ATP10D: variants seen among roughly 807,000 people sequenced by gnomAD.
ATP10D encodes ATPase phospholipid transporting 10D (putative).
Under a neutral mutation model 144.8 loss-of-function variants are expected in ATP10D, and 89 were observed. That is an observed-to-expected ratio of 0.61 (90% confidence interval 0.52 to 0.73). ATP10D has a LOEUF of 0.73. Among genes scored for constraint, ATP10D ranks in the 30% least tolerant of loss-of-function variants. The probability of loss-of-function intolerance (pLI) is 0.00; values close to 1 mark genes in which losing one functional copy is unlikely to be tolerated. For missense variants in ATP10D, 1,603 were observed against 1,714.8 expected, an observed-to-expected ratio of 0.93 and a Z score of 1.15; for synonymous variants, 571 against 615.1, an observed-to-expected ratio of 0.93 and a Z score of 1.06.
intron 9 of ATP10D, among the ~76,000 whole-genome samples, chr4:47,543,873 AG>A (rs1307040919): frequency 6.6e-6 from 1 of 152,208 alleles, no homozygotes; most frequent in Non-Finnish European, 1.5e-5. Flanking sequence ...GCATGAAAAA[AG>A]GAGGATCTCA....
chr4:47,553,149 A>G (rs918842695), intron 10 of ATP10D, among the ~76,000 whole-genome samples: 2 of 152,176 alleles, frequency 1.3e-5, no homozygotes, highest in Non-Finnish European at 2.9e-5. Flanking sequence ...CCAAATAAAA[A>G]AGTCTCTCCA....
chr4:47,507,721 T>A (rs1185018464), intron 1 of ATP10D, among the ~76,000 whole-genome samples: 1 of 152,194 alleles, frequency 6.6e-6, no homozygotes, highest in Admixed American at 6.5e-5. Context: ...TTCCCGACTT[T>A]GAAGAATAAA....
intron 2 of ATP10D, among the ~76,000 whole-genome samples, chr4:47,514,812 T>G (rs1484208897): frequency 6.7e-6 from 1 of 149,832 alleles, no homozygotes; most frequent in Non-Finnish European, 1.5e-5. Context: ...ATTTTGTTAA[T>G]TAATTTTTAT....
intron 4 of ATP10D, 37 bp downstream of exon 4, chr4:47,523,253 T>C: frequency 6.6e-7 from 1 of 1,523,258 alleles, no homozygotes. Flanking sequence ...CTTATTAACA[T>C]TTTTTTTCAG....
chr4:47,549,618 G>T lies in ATP10D; in HGVS notation c.1635+2756G>T, dbSNP rs145695935. ...AGACGTGGCCTCAGCCTTCAGTTTTGTTCTAGATAGAGAAGAGAGACATAT... is the reference window on the plus strand; with the variant it reads ...AGACGTGGCCTCAGCCTTCAGTTTTTTTCTAGATAGAGAAGAGAGACATAT... On this transcript the variant is annotated intron_variant, in intron 10 of 22. Coordinates refer to ENST00000273859, the MANE Select transcript of ATP10D (RefSeq NM_020453.4). 1.6e-4 allele frequency among the ~76,000 whole-genome samples: 25 copies of T among 152,334 alleles called. No individual in the cohort carries two copies. In the East Asian group the frequency reaches 4.0e-3, roughly 25 times the overall value.
In ATP10D at chr4:47,591,381, G is replaced by T; in HGVS notation, c.4281G>T (p.Ter1427TyrextTer45). 6.3e-7 allele frequency: 1 copy of T among 1,583,842 alleles called. No homozygotes were observed. The highest frequency in any genetic ancestry group is 8.6e-7 in the Non-Finnish European group (1 of 1,164,574). ...GACCCTCCAAAGGTAAAGAAAGCTA[G>T]ATACCCTCCTTGGAGTTGCAAGTAT... ...MAGPSKGKES[*>Y] is the part of the protein sequence containing the mutation. Residue 1427 changes from the stop codon to tyrosine (Y), a stop_lost, in exon 23 of 23, where the codon TAG becomes TAT. Transcript: ENST00000273859.
At chr4:47,590,978 G>GGC (rs1553902239) in intron 22 of ATP10D, 64 bp from the exon 23 acceptor site, 66 of 1,088,440 alleles carry the variant, frequency 6.1e-5, no homozygotes, top group Non-Finnish European at 7.5e-5. Flanking sequence ...TTAGTATTTG[G>GGC]GGGGGGGGGT....
Position 47,558,121 on chromosome 4 carries a change from C to A in ATP10D, c.2282C>A (p.Pro761Gln). Residue 761 changes from proline to glutamine, a missense_variant, in exon 12 of 23, where the codon CCA (proline) becomes CAA (glutamine). Transcript: ENST00000273859. ...QVMVDFAALG[P>Q]LTFQLLHILP... ...ATGGTGGACTTTGCTGCTTTGGGAC[C>A]ATTAACATTTCAACTCCTACACATC... is the stretch of plus-strand genomic sequence containing the variant. The A allele has an allele frequency of 6.2e-7, 1 of 1,614,186 alleles. No homozygotes were observed. The highest frequency in any genetic ancestry group is 8.5e-7 in the Non-Finnish European group (1 of 1,180,028).
chr4:47,562,988 C>T (rs1424892870), intron 14 of ATP10D, among the ~76,000 whole-genome samples: 1 of 152,224 alleles, frequency 6.6e-6, no homozygotes, highest in Admixed American at 6.5e-5. Context: ...AAGTACCACA[C>T]GTTCTCACTT....
In ATP10D at chr4:47,558,177, TC is replaced by T; in HGVS notation, c.2339del (p.Ser780LeufsTer22). 2 of 1,614,158 alleles carry T rather than the reference TC, an allele frequency of 1.2e-6. No homozygotes were observed. Among genetic ancestry groups the T allele is most frequent in the South Asian group, 1.1e-5 (1 of 91,082 alleles). ...LPFDSVRKRM[S>X]VVVRHPLSNQ... is the part of the protein sequence containing the mutation. ...CTTTGACTCAGTAAGAAAAAGAATG[TC>T]TGTTGTGGTCCGACACCCTCTTTCC... On this transcript the variant is annotated frameshift_variant, in exon 12 of 23. Transcript: ENST00000273859. LOFTEE classifies it high-confidence loss of function.
intron 1 of ATP10D, among the ~76,000 whole-genome samples, chr4:47,504,584 A>G (rs1312870625): frequency 1.3e-5 from 2 of 151,296 alleles, no homozygotes; most frequent in South Asian, 2.1e-4. Context: ...TCTTTTTGAG[A>G]TGGAGTCTCA....
intron 1 of ATP10D, among the ~76,000 whole-genome samples, chr4:47,492,349 G>A (rs1345803636): frequency 6.6e-6 from 1 of 152,142 alleles, no homozygotes; most frequent in Non-Finnish European, 1.5e-5. Context: ...TTTGAAAATA[G>A]CTAATTATAT....
rs1243817170 is a variant in ATP10D at position 47,568,833 on chromosome 4, C to T, written c.2854-4C>T. Reference sequence around the variant, plus strand: ...GGCTAACCACCTTTGCCTCTTGTTTCAAGGATGCCTGTGGGATGCTGATGA... The same window carrying T: ...GGCTAACCACCTTTGCCTCTTGTTTTAAGGATGCCTGTGGGATGCTGATGA... On this transcript the variant is annotated splice_region_variant and splice_polypyrimidine_tract_variant and intron_variant, in intron 15 of 22. Coordinates refer to ENST00000273859, the MANE Select transcript of ATP10D (RefSeq NM_020453.4). The T allele has an allele frequency of 1.9e-6, 3 of 1,608,700 alleles. No individual in the cohort carries two copies. In the Admixed American group the frequency reaches 5.0e-5, roughly 27 times the overall value.
chr4:47,501,103 G>T (rs1356355691), intron 1 of ATP10D, among the ~76,000 whole-genome samples: 1 of 151,844 alleles, frequency 6.6e-6, no homozygotes, highest in African/African-American at 2.4e-5. Flanking sequence ...TGAGAGAGGA[G>T]TTCACTGGTT....
rs149586283 is a variant in ATP10D, at chr4:47,587,968, TTTTG to T, written c.3941+778_3941+781del. On this transcript the variant is annotated intron_variant, in intron 22 of 22. Transcript: ENST00000273859. Reference sequence around the variant, plus strand: ...AGGGCAAGCAGCTTTGTTTTTATATTTTTGTTTGTTTGTTTGTTTTTCATGTAGT... The same window carrying T: ...AGGGCAAGCAGCTTTGTTTTTATATTTTTGTTTGTTTGTTTTTCATGTAGT... Among the ~76,000 whole-genome samples the T allele has an allele frequency of 1.3e-5, 2 of 151,956 alleles. 1 individual carries two copies. Among genetic ancestry groups the T allele is most frequent in the South Asian group, 4.1e-4 (2 of 4,826 alleles).
At chr4:47,487,150 G>C (rs1164013757) in intron 1 of ATP10D, among the ~76,000 whole-genome samples, 2 of 149,602 alleles carry the variant, frequency 1.3e-5, no homozygotes, top group Non-Finnish European at 3.0e-5. Flanking sequence ...AATCGCTTGA[G>C]CCCGGGAGGC....
At position 47,568,821 on chromosome 4, in the gene ATP10D, T is replaced by C; in HGVS notation, c.2854-16T>C. Reference sequence around the variant, plus strand: ...AGGGCGCCTGGAGGCTAACCACCTTTGCCTCTTGTTTCAAGGATGCCTGTG... The same window carrying C: ...AGGGCGCCTGGAGGCTAACCACCTTCGCCTCTTGTTTCAAGGATGCCTGTG... On this transcript the variant is annotated splice_polypyrimidine_tract_variant and intron_variant, in intron 15 of 22. Transcript: ENST00000273859. 1 of 1,605,438 alleles carries C rather than the reference T, an allele frequency of 6.2e-7. No individual in the cohort carries two copies. The highest frequency in any genetic ancestry group is 8.5e-7 in the Non-Finnish European group (1 of 1,174,118).
chr4:47,516,338 G>T (rs1158545727), intron 3 of ATP10D, among the ~76,000 whole-genome samples: 1 of 152,004 alleles, frequency 6.6e-6, no homozygotes, highest in Non-Finnish European at 1.5e-5. Flanking sequence ...CATAGGAGGA[G>T]GTCTTTTTAG....
chr4:47,503,132 G>A lies in ATP10D; in HGVS notation c.-37-9372G>A, dbSNP rs1005690461. Among the ~76,000 whole-genome samples, 8 of 152,156 alleles carry A rather than the reference G, an allele frequency of 5.3e-5. No individual in the cohort carries two copies. The South Asian group carries it at 1.7e-3, about 32-fold the overall frequency. ...CAGGAGGATCACTTGAACCTGGGAG[G>A]CAGAGTTTGCAGTGAGCCGAGACCG... On this transcript the variant is annotated intron_variant, in intron 1 of 22. Transcript: ENST00000273859.
Sources: allele counts gnomAD v4.1 joint callset (sites outside exome capture counted in the v4.1 genomes callset), GRCh38; gene constraint gnomAD v4.1.1; transcripts MANE v1.5; gene names NCBI Gene and HGNC (gene_info 2026-07-23, HGNC 2026-07-21).